LPAR3: variants seen among roughly 807,000 people sequenced by gnomAD.
LPAR3 encodes LPA receptor 3.
A neutral mutation model predicts 17.8 loss-of-function variants in LPAR3; 7 were observed. The observed-to-expected ratio is 0.39, with a 90% CI of 0.22 to 0.74. LPAR3 has a LOEUF of 0.74. LPAR3 is among the 30% of genes least tolerant of loss of function. The pLI is 0.40. For synonymous variants in LPAR3, 179 were observed against 179.9 expected (o/e 0.99, Z 0.04); for missense variants, 391 against 453.4 (o/e 0.86, Z 1.25).
At chr1:84,861,699 C>T (rs1659945165) in intron 2 of LPAR3, among the ~76,000 whole-genome samples, 1 of 152,176 alleles carries the variant, frequency 6.6e-6, no homozygotes, top group African/African-American at 2.4e-5. Context: ...TCATTTCCCT[C>T]GTCCCTGAAC....
rs72718703 is a variant in LPAR3 at position 84,818,598 on chromosome 1, G to T, written c.737-4427C>A. 7.7e-3 allele frequency among the ~76,000 whole-genome samples: 1,171 copies of T among 151,962 alleles called. 7 individuals carry two copies. The highest frequency in any genetic ancestry group is 0.012 in the Non-Finnish European group (810 of 67,944). ...GAACTTTAAAAAATAATGCTTAAAA[G>T]AATAAAAAAAATAAGAATACCTGTC... On this transcript the variant is annotated intron_variant, in intron 2 of 2. Transcript: ENST00000370611.
At chr1:84,869,244 T>G (rs1660111386) in intron 1 of LPAR3, among the ~76,000 whole-genome samples, 1 of 152,208 alleles carries the variant, frequency 6.6e-6, no homozygotes, top group Non-Finnish European at 1.5e-5. Flanking sequence ...AACTGTCCCT[T>G]GTCAAAACCA....
intron 1 of LPAR3, among the ~76,000 whole-genome samples, chr1:84,874,899 A>ATTT (rs11310847): frequency 7.3e-6 from 1 of 137,288 alleles, no homozygotes; most frequent in Non-Finnish European, 1.6e-5. Context: ...GAGAATGTCA[A>ATTT]TTTTTTTTTT....
rs571556976 is a variant in LPAR3 at position 84,811,638 on chromosome 1, G to A, written c.*2208C>T. 5.3e-5 allele frequency: 8 copies of A among 152,214 alleles called. No individual in the cohort carries two copies. The highest frequency in any genetic ancestry group is 3.9e-4 in the East Asian group (2 of 5,188). The allele number at this position is 152,214 out of a possible 1,614,324, so 9.4% of individuals were successfully genotyped here. A position where few individuals can be genotyped will look rare whatever the true frequency, so the allele number is the denominator to read the frequency against. ...AAAATTTTATTTTATAGGTAGCTTC[G>A]ATAAAAGCTTCAGATAGACCCACAT... On this transcript the variant is annotated 3_prime_UTR_variant, in exon 3 of 3. Coordinates refer to ENST00000370611, the MANE Select transcript of LPAR3 (RefSeq NM_012152.3).
intron 2 of LPAR3, among the ~76,000 whole-genome samples, chr1:84,855,895 G>A (rs990303591): frequency 6.6e-6 from 1 of 152,216 alleles, no homozygotes; most frequent in African/African-American, 2.4e-5. Context: ...GAAATGTGGT[G>A]TTGGAAGAGG....
chr1:84,845,330 T>C (rs1659576049), intron 2 of LPAR3, among the ~76,000 whole-genome samples: 1 of 152,198 alleles, frequency 6.6e-6, no homozygotes, highest in African/African-American at 2.4e-5. Flanking sequence ...CTAGGAGGGA[T>C]TTGTGTTACG....
intron 1 of LPAR3, among the ~76,000 whole-genome samples, chr1:84,875,060 C>T (rs78682799): frequency 0.074 from 11,237 of 152,048 alleles, 533 homozygotes; most frequent in African/African-American, 0.13. Flanking sequence ...CCACCATGCC[C>T]GGCTAGTTTT....
chr1:84,832,406 A>G (rs893038006), intron 2 of LPAR3, among the ~76,000 whole-genome samples: 1 of 152,202 alleles, frequency 6.6e-6, no homozygotes, highest in Non-Finnish European at 1.5e-5. Context: ...GGGCACACAC[A>G]TAGAAATAAC....
In LPAR3 at chr1:84,874,549, T is replaced by C. The variant is rs560365886; in HGVS notation, c.-18-8411A>G. On this transcript the variant is annotated intron_variant, in intron 1 of 2. Coordinates refer to ENST00000370611, the MANE Select transcript of LPAR3 (RefSeq NM_012152.3). The stretch of plus-strand genomic sequence containing the variant: ...TATTCATTAAACAGGAAAGCAAACA[T>C]GAAAACATACAGAATTGAACTAAAT... Among the ~76,000 whole-genome samples, 12 of 152,276 alleles carry C rather than the reference T, an allele frequency of 7.9e-5. No homozygotes were observed. In the South Asian group the frequency reaches 2.3e-3, roughly 29 times the overall value.
At chr1:84,892,464 G>A (rs1385136971) in intron 1 of LPAR3, among the ~76,000 whole-genome samples, 2 of 152,132 alleles carry the variant, frequency 1.3e-5, no homozygotes, top group Non-Finnish European at 2.9e-5. Context: ...TGGTGAGGGG[G>A]CATACCCTGA....
At chr1:84,888,151 T>C (rs865894794) in intron 1 of LPAR3, among the ~76,000 whole-genome samples, 32 of 91,058 alleles carry the variant, frequency 3.5e-4, no homozygotes, top group African/African-American at 5.1e-4. Context: ...TATACATACA[T>C]ACACACACAC....
intron 1 of LPAR3, among the ~76,000 whole-genome samples, chr1:84,879,316 C>CTTTTCTTTT (rs200517029): frequency 2.5e-5 from 3 of 120,602 alleles, no homozygotes; most frequent in African/African-American, 1.0e-4. Flanking sequence ...TTTCTTTTTT[C>CTTTTCTTTT]TTTTTTTTTT....
At position 84,888,797 on chromosome 1, in the gene LPAR3, G is replaced by A. The variant is rs56006981; in HGVS notation, c.-19+4219C>T. On this transcript the variant is annotated intron_variant, in intron 1 of 2. Coordinates refer to ENST00000370611, the MANE Select transcript of LPAR3 (RefSeq NM_012152.3). ...CCATCCCTTGATAACTGGTCAATCT[G>A]CACATGGGTGAGTCAAGGCCAGGGC... 3.9e-3 allele frequency among the ~76,000 whole-genome samples: 593 copies of A among 152,342 alleles called. 2 individuals carry two copies. The highest frequency in any genetic ancestry group is 0.014 in the African/African-American group (572 of 41,586).
chr1:84,845,627 C>T (rs1236607478), intron 2 of LPAR3, among the ~76,000 whole-genome samples: 3 of 152,166 alleles, frequency 2.0e-5, no homozygotes, highest in Non-Finnish European at 4.4e-5. Context: ...TCCATCATTA[C>T]CAAAACCAAT....
In LPAR3 at chr1:84,883,630, C is replaced by G. The variant is rs377650531; in HGVS notation, c.-19+9386G>C. The stretch of plus-strand genomic sequence containing the variant: ...TGATCCCACAGTGAGATGGGCAGTT[C>G]AGCATTCTCCATTTTACAGAGAAGA... On this transcript the variant is annotated intron_variant, in intron 1 of 2. Transcript: ENST00000370611. Among the ~76,000 whole-genome samples the G allele has an allele frequency of 6.8e-4, 104 of 152,232 alleles. 1 individual carries two copies. In the South Asian group the frequency reaches 0.021, roughly 30 times the overall value.
chr1:84,878,685 A>G (rs925258195), intron 1 of LPAR3, among the ~76,000 whole-genome samples: 2 of 152,178 alleles, frequency 1.3e-5, no homozygotes, highest in African/African-American at 2.4e-5. Context: ...TAAGGAAAAA[A>G]GTTTCAACTT....
At chr1:84,821,825 G>C (rs1659061187) in intron 2 of LPAR3, among the ~76,000 whole-genome samples, 1 of 152,112 alleles carries the variant, frequency 6.6e-6, no homozygotes, top group South Asian at 2.1e-4. Context: ...GTGAGGGGAG[G>C]AAAGACTCCA....
intron 2 of LPAR3, among the ~76,000 whole-genome samples, chr1:84,854,784 T>C (rs911913855): frequency 6.6e-6 from 1 of 152,204 alleles, no homozygotes; most frequent in African/African-American, 2.4e-5. Flanking sequence ...ACAACGCCTG[T>C]TGTGATTCAC....
intron 1 of LPAR3, among the ~76,000 whole-genome samples, chr1:84,885,487 A>G (rs1660443914): frequency 6.6e-6 from 1 of 152,246 alleles, no homozygotes; most frequent in African/African-American, 2.4e-5. Context: ...ATGAGACTTT[A>G]AAATATATAC....
Sources: allele counts gnomAD v4.1 joint callset (sites outside exome capture counted in the v4.1 genomes callset), GRCh38; gene constraint gnomAD v4.1.1; transcripts MANE v1.5; gene names NCBI Gene and HGNC (gene_info 2026-07-23, HGNC 2026-07-21).